GATC: variants seen among roughly 807,000 people sequenced by gnomAD.
GATC encodes glutamyl-tRNA amidotransferase subunit C.
Under a neutral mutation model 14.4 loss-of-function variants are expected in GATC, and 11 were observed. The ratio of observed to expected loss-of-function variants is 0.77; its 90% CI spans 0.48 to 1.27. The LOEUF (loss-of-function observed/expected upper bound fraction) is 1.27. GATC is among the 50% of genes most tolerant of loss of function. The pLI is 0.00. For missense variants in GATC, 204 were observed against 183.0 expected (o/e 1.11, Z -0.66); for synonymous variants, 76 against 79.3 (o/e 0.96, Z 0.22).
intron 2 of GATC, among the ~76,000 whole-genome samples, chr12:120,449,825 C>T (rs537354487): frequency 8.6e-5 from 13 of 151,516 alleles, no homozygotes; most frequent in South Asian, 6.3e-4. Flanking sequence ...TGCAATGGCG[C>T]GATCTCAGCT....
chr12:120,451,000 C>T (rs553486288), intron 2 of GATC, among the ~76,000 whole-genome samples: 1 of 151,592 alleles, frequency 6.6e-6, no homozygotes, highest in East Asian at 1.9e-4. Flanking sequence ...AAAAATTTGC[C>T]GGGCATGGTG....
intron 2 of GATC, among the ~76,000 whole-genome samples, chr12:120,451,731 G>A (rs1456693032): frequency 6.6e-6 from 1 of 151,558 alleles, no homozygotes; most frequent in Admixed American, 6.6e-5. Context: ...AACAGAGCAA[G>A]ACTCCATCTC....
intron 2 of GATC, among the ~76,000 whole-genome samples, chr12:120,454,286 G>C (rs1878122336): frequency 6.6e-6 from 1 of 152,172 alleles, no homozygotes; most frequent in African/African-American, 2.4e-5. Context: ...AGCATTATCA[G>C]ATCTTGTTTT....
At chr12:120,447,527 C>A (rs958204614) in intron 2 of GATC, among the ~76,000 whole-genome samples, 3 of 151,850 alleles carry the variant, frequency 2.0e-5, no homozygotes, top group African/African-American at 7.3e-5. Flanking sequence ...TCGTTTTTTT[C>A]CTTCCTCTCA....
chr12:120,447,481 A>G (rs906815662), intron 2 of GATC, among the ~76,000 whole-genome samples: 1 of 151,938 alleles, frequency 6.6e-6, no homozygotes, highest in Non-Finnish European at 1.5e-5. Flanking sequence ...CCAGCAAGAC[A>G]AGTTCTTTTC....
At chr12:120,451,320 T>C (rs1482095900) in intron 2 of GATC, among the ~76,000 whole-genome samples, 1 of 151,774 alleles carries the variant, frequency 6.6e-6, no homozygotes, top group African/African-American at 2.4e-5. Flanking sequence ...GGCAGGCGCC[T>C]GTAATCCCAG....
At chr12:120,446,613 C>G (rs1877872654) in intron 1 of GATC, 44 bp from the exon 2 acceptor site, 3 of 1,591,534 alleles carry the variant, frequency 1.9e-6, no homozygotes, top group Non-Finnish European at 2.6e-6. Context: ...GGAGGCACTT[C>G]GGAGCGCCGG....
intron 2 of GATC, among the ~76,000 whole-genome samples, chr12:120,452,351 T>C (rs1430895944): frequency 1.3e-5 from 2 of 152,192 alleles, no homozygotes; most frequent in African/African-American, 2.4e-5. Context: ...TTCTAAGATA[T>C]GCCAGCTAAA....
intron 2 of GATC, among the ~76,000 whole-genome samples, chr12:120,455,596 C>A (rs1878161290): frequency 1.3e-5 from 2 of 152,088 alleles, no homozygotes; most frequent in Admixed American, 6.6e-5. Context: ...AATATTCATA[C>A]CATGAGTAAA....
At position 120,462,001 on chromosome 12, in the gene GATC, A is replaced by T. The variant is rs1352575354; in HGVS notation, c.*2042A>T. 24 of 1,590,148 alleles carry T rather than the reference A, an allele frequency of 1.5e-5. No individual in the cohort carries two copies. The highest frequency in any genetic ancestry group is 2.0e-5 in the Non-Finnish European group (23 of 1,168,908). ...TCAGTTAACCTAAAAAATAAAGAAA[A>T]AATTCCCATCACCTGTCTCAGTAGG... On this transcript the variant is annotated 3_prime_UTR_variant, in exon 4 of 4. Transcript: ENST00000551765.
chr12:120,456,827 A>G (rs1347986026), intron 2 of GATC, among the ~76,000 whole-genome samples: 1 of 152,186 alleles, frequency 6.6e-6, no homozygotes, highest in Non-Finnish European at 1.5e-5. Flanking sequence ...TGCCCATATA[A>G]TCATCAAAAA....
At chr12:120,449,755 T>C (rs371668689) in intron 2 of GATC, among the ~76,000 whole-genome samples, 1 of 148,234 alleles carries the variant, frequency 6.7e-6, no homozygotes, top group Non-Finnish European at 1.5e-5. Context: ...CCACAGTAAA[T>C]GTTTAATGAA....
intron 3 of GATC, 112 bp downstream of exon 3, chr12:120,457,291 TGCATACAGATGGTG>T (rs1878212195): frequency 1.3e-6 from 1 of 774,176 alleles, no homozygotes; most frequent in African/African-American, 1.7e-5. Context: ...AAGGATGAAG[TGCATACAGATGGTG>T]GCATTAAGGT....
In GATC at chr12:120,460,013, G is replaced by GT; in HGVS notation, c.*55dup. ...GTGAACATGTGGAAGCATAATGACA[G>GT]TATTTTTTTACTGTGAATACTAATG... On this transcript the variant is annotated 3_prime_UTR_variant, in exon 4 of 4. Coordinates refer to ENST00000551765, the MANE Select transcript of GATC (RefSeq NM_176818.3). 7.1e-7 allele frequency: 1 copy of GT among 1,400,286 alleles called. No individual in the cohort carries two copies. Among genetic ancestry groups the GT allele is most frequent in the Non-Finnish European group, 1.0e-6 (1 of 996,544 alleles). The allele number at this position is 1,400,286 out of a possible 1,614,324, so 86.7% of individuals were successfully genotyped here.
At chr12:120,448,296 A>G (rs947757097) in intron 2 of GATC, among the ~76,000 whole-genome samples, 1 of 150,536 alleles carries the variant, frequency 6.6e-6, no homozygotes, top group Non-Finnish European at 1.5e-5. Context: ...GTCTCAAGCA[A>G]TCCTCCTGCC....
At chr12:120,449,441 G>GTT (rs1333984848) in intron 2 of GATC, among the ~76,000 whole-genome samples, 1 of 138,052 alleles carries the variant, frequency 7.2e-6, no homozygotes, top group Non-Finnish European at 1.7e-5. Context: ...CAGTAAATGT[G>GTT]TTTTGTTTTG....
chr12:120,449,001 C>T (rs552649474), intron 2 of GATC, among the ~76,000 whole-genome samples: 8 of 148,378 alleles, frequency 5.4e-5, no homozygotes, highest in South Asian at 4.2e-4. Flanking sequence ...CTCGCTCTGT[C>T]GCTGAGGCTG....
chr12:120,452,538 T>C (rs1235123504), intron 2 of GATC, among the ~76,000 whole-genome samples: 2 of 152,132 alleles, frequency 1.3e-5, no homozygotes, highest in African/African-American at 4.8e-5. Context: ...TACAGGTGTG[T>C]ACCCCTATGG....
intron 2 of GATC, among the ~76,000 whole-genome samples, chr12:120,447,114 T>C (rs536362863): frequency 6.6e-6 from 1 of 151,684 alleles, no homozygotes; most frequent in East Asian, 1.9e-4. Flanking sequence ...TCTCGCTGTG[T>C]TGCCTAGGCT....
Sources: gnomAD v4.1 joint callset for allele counts (sites outside exome capture counted in the v4.1 genomes callset) on GRCh38, gnomAD v4.1.1 for gene constraint, MANE v1.5 for transcripts, NCBI Gene and HGNC (gene_info 2026-07-23, HGNC 2026-07-21) for gene names.